The following BIRC6 variants were observed in gnomAD, a reference collection of about 807,000 sequenced individuals.
BIRC6 encodes dual E2 ubiquitin-conjugating enzyme/E3 ubiquitin-protein ligase BIRC6.
Under a neutral mutation model 503.3 loss-of-function variants are expected in BIRC6, and 98 were observed. That is an observed-to-expected ratio of 0.19 (90% CI 0.17 to 0.23). BIRC6 has a LOEUF of 0.23. BIRC6 is among the 10% of genes least tolerant of loss of function. BIRC6 has a pLI of 1.00. For synonymous variants in BIRC6, 2,240 were observed against 2,078.7 expected, an observed-to-expected ratio of 1.08 and a Z score of -2.11; for missense variants, 5,360 against 5,806.0, an observed-to-expected ratio of 0.92 and a Z score of 2.50.
At chr2:32,510,938 G>A (rs78927691) in intron 53 of BIRC6, among the ~76,000 whole-genome samples, 1 of 152,262 alleles carries the variant, frequency 6.6e-6, no homozygotes, top group African/African-American at 2.4e-5. Context: ...AAGGAACCTT[G>A]TAAAGTGATG....
At chr2:32,543,633 T>C in intron 62 of BIRC6, 92 bp downstream of exon 62, 1 of 1,269,032 alleles carries the variant, frequency 7.9e-7, no homozygotes, top group East Asian at 2.5e-5. Flanking sequence ...ATTTATTTCC[T>C]TCATAGTTAA....
chr2:32,500,419 A>AT (rs1337815617), intron 46 of BIRC6, among the ~76,000 whole-genome samples: 3 of 95,614 alleles, frequency 3.1e-5, no homozygotes, highest in Admixed American at 1.2e-4. Context: ...ACACCCAGCT[A>AT]ATTTTTTTTT....
In BIRC6 at chr2:32,531,124, C is replaced by T. The variant is rs147063503; in HGVS notation, c.12095-231C>T. Among the ~76,000 whole-genome samples, 1,144 of 152,220 alleles carry T rather than the reference C, an allele frequency of 7.5e-3. 14 individuals are homozygous for T. Among genetic ancestry groups the T allele is most frequent in the Non-Finnish European group, 0.011 (747 of 67,998 alleles). On this transcript the variant is annotated intron_variant, in intron 60 of 73. Coordinates refer to ENST00000421745, the MANE Select transcript of BIRC6 (RefSeq NM_016252.4). ...AACTAGCTTGCAGGTGATGCCAATACTACTAGTCCATGAACCATTCTTCCA... is the reference window on the plus strand; with the variant it reads ...AACTAGCTTGCAGGTGATGCCAATATTACTAGTCCATGAACCATTCTTCCA...
Position 32,357,257 on chromosome 2 carries a change from G to C in BIRC6, c.96G>C (p.Ala32=). The C allele has an allele frequency of 3.3e-6, 5 of 1,522,300 alleles. No individual in the cohort carries two copies. Among genetic ancestry groups the C allele is most frequent in the Non-Finnish European group, 3.5e-6 (4 of 1,138,352 alleles). The allele number at this position is 1,522,300 out of a possible 1,614,324, so 94.3% of individuals were successfully genotyped here. A position where few individuals can be genotyped will look rare whatever the true frequency, so the allele number is the denominator to read the frequency against. The change falls in exon 1 of 74, where the codon GCG becomes GCC. Residue 32 remains alanine, a synonymous_variant. Transcript: ENST00000421745. The surrounding 1 kb of genome is among the most constrained non-coding windows in gnomAD (Gnocchi z 4.9). ...VLSAGRKMAA[A]AAAASGPGCS... ...GCGCAGGCCGGAAGATGGCGGCTGC[G>C]GCTGCGGCGGCCTCGGGCCCCGGCT... is the stretch of plus-strand genomic sequence containing the variant.
At chr2:32,385,557 G>C (rs941981568) in intron 3 of BIRC6, among the ~76,000 whole-genome samples, 4 of 152,138 alleles carry the variant, frequency 2.6e-5, no homozygotes, top group Non-Finnish European at 5.9e-5. Context: ...TGCATGAGAG[G>C]GTGTGGCTTT....
At chr2:32,410,135 T>C (rs2041694759) in intron 9 of BIRC6, among the ~76,000 whole-genome samples, 3 of 152,234 alleles carry the variant, frequency 2.0e-5, no homozygotes. Context: ...TGTTTTTTCT[T>C]GGCAGTTTCC....
chr2:32,525,380 C>T, intron 58 of BIRC6, 84 bp from the exon 59 acceptor site: 1 of 1,428,132 alleles, frequency 7.0e-7, no homozygotes, highest in Non-Finnish European at 9.8e-7. Context: ...GGAATGCATG[C>T]CTTATTAAAA....
At chr2:32,537,267 G>A (rs1205986430) in intron 61 of BIRC6, among the ~76,000 whole-genome samples, 1 of 152,076 alleles carries the variant, frequency 6.6e-6, no homozygotes, top group Non-Finnish European at 1.5e-5. Flanking sequence ...ATTGAACTCA[G>A]CTCTGCACCA....
At chr2:32,568,982 CTCTT>C (rs2059734520) in intron 65 of BIRC6, among the ~76,000 whole-genome samples, 1 of 131,354 alleles carries the variant, frequency 7.6e-6, no homozygotes, top group Non-Finnish European at 1.6e-5. Flanking sequence ...CCATGTCTCT[CTCTT>C]TTTTTTTTTT....
chr2:32,545,004 C>T (rs570428386), intron 62 of BIRC6, among the ~76,000 whole-genome samples: 4 of 151,942 alleles, frequency 2.6e-5, no homozygotes, highest in African/African-American at 7.2e-5. Context: ...GGTATTTCAA[C>T]ACTGTTACCA....
chr2:32,571,592 G>A (rs1002025324), intron 65 of BIRC6, among the ~76,000 whole-genome samples: 24 of 151,802 alleles, frequency 1.6e-4, no homozygotes, highest in African/African-American at 5.8e-4. Context: ...TGTAGTATCA[G>A]TTGTATTCCT....
At chr2:32,447,500 C>G (rs1200734083) in intron 21 of BIRC6, among the ~76,000 whole-genome samples, 6,122 of 112,484 alleles carry the variant, frequency 0.054, 42 homozygotes, top group East Asian at 0.1. Context: ...ACCTCCCTCC[C>G]GGACGGGGCG....
chr2:32,419,583 CAGT>C (rs1318079086), intron 10 of BIRC6, among the ~76,000 whole-genome samples: 3 of 152,008 alleles, frequency 2.0e-5, no homozygotes, highest in Non-Finnish European at 4.4e-5. Flanking sequence ...TAAGATGTAT[CAGT>C]GGAGTATAAG....
intron 3 of BIRC6, among the ~76,000 whole-genome samples, chr2:32,387,828 T>A (rs1043808449): frequency 6.6e-6 from 1 of 152,196 alleles, no homozygotes; most frequent in Non-Finnish European, 1.5e-5. Flanking sequence ...TCCTTAATTT[T>A]TGGTGATATA....
At chr2:32,570,509 T>C (rs890873816) in intron 65 of BIRC6, among the ~76,000 whole-genome samples, 7 of 151,030 alleles carry the variant, frequency 4.6e-5, no homozygotes, top group African/African-American at 7.3e-5. Context: ...TGTTTGTTTG[T>C]TTGTTTTGAG....
intron 23 of BIRC6, among the ~76,000 whole-genome samples, chr2:32,455,669 T>C (rs1014732943): frequency 6.6e-6 from 1 of 152,184 alleles, no homozygotes; most frequent in Non-Finnish European, 1.5e-5. Context: ...TTATTTTATT[T>C]TACAAAAATT....
chr2:32,468,205 T>C, intron 28 of BIRC6, 94 bp downstream of exon 28: 4 of 1,309,604 alleles, frequency 3.1e-6, no homozygotes, highest in Non-Finnish European at 4.2e-6. Flanking sequence ...TTTTCATAGG[T>C]GTACAGATAA....
chr2:32,537,295 T>C (rs985548369), intron 61 of BIRC6, among the ~76,000 whole-genome samples: 1 of 152,090 alleles, frequency 6.6e-6, no homozygotes, highest in Admixed American at 6.5e-5. Flanking sequence ...CTAATAGACA[T>C]CAACAGAATA....
intron 71 of BIRC6, 57 bp downstream of exon 71, chr2:32,603,140 T>A (rs998960899): frequency 2.7e-5 from 38 of 1,408,038 alleles, no homozygotes; most frequent in East Asian, 9.3e-5. Context: ...TGTAGTATTT[T>A]AAAAAATTTT....
Sources: gnomAD v4.1 joint callset for allele counts (sites outside exome capture counted in the v4.1 genomes callset) on GRCh38, gnomAD v4.1.1 for gene constraint, Gnocchi (gnomAD v3.1) non-coding constraint, MANE v1.5 for transcripts, NCBI Gene and HGNC (gene_info 2026-07-23, HGNC 2026-07-21) for gene names.